CRIM1: variants seen among roughly 807,000 people sequenced by gnomAD.
The protein encoded by CRIM1 is cysteine-rich motor neuron 1 protein.
A neutral mutation model predicts 116.4 loss-of-function variants in CRIM1; 32 were observed. That is an observed-to-expected ratio of 0.27 (90% CI 0.21 to 0.37). The LOEUF (loss-of-function observed/expected upper bound fraction) is 0.37. CRIM1 is among the 10% of genes least tolerant of loss of function. The pLI, the probability that CRIM1 is intolerant of heterozygous loss-of-function variation, is 1.00. For synonymous variants in CRIM1, 590 were observed against 509.2 expected, an observed-to-expected ratio of 1.16 and a Z score of -2.13; for missense variants, 1,331 against 1,354.8, an observed-to-expected ratio of 0.98 and a Z score of 0.28.
chr2:36,499,421 T>TC (rs1680832937), intron 8 of CRIM1, 74 bp downstream of exon 8: 27 of 1,462,020 alleles, frequency 1.8e-5, no homozygotes, highest in Non-Finnish European at 2.5e-5. Flanking sequence ...TGTAATTGAA[T>TC]ATCTTTTTCA....
At chr2:36,488,651 C>T (rs1051408869) in intron 7 of CRIM1, among the ~76,000 whole-genome samples, 1 of 152,172 alleles carries the variant, frequency 6.6e-6, no homozygotes, top group South Asian at 2.1e-4. Flanking sequence ...TACAGAATAC[C>T]TGTTTACACC....
intron 7 of CRIM1, among the ~76,000 whole-genome samples, chr2:36,480,078 G>T (rs145962424): frequency 1.3e-5 from 2 of 152,264 alleles, no homozygotes; most frequent in African/African-American, 4.8e-5. Flanking sequence ...ATGCCCAAGC[G>T]TCCTGGCAAC....
rs761277638 is a variant in CRIM1 at position 36,356,458 on chromosome 2, G to C, written c.166G>C (p.Val56Leu). 8 of 1,612,440 alleles carry C rather than the reference G, an allele frequency of 5.0e-6. No individual in the cohort carries two copies. Among genetic ancestry groups the C allele is most frequent in the Non-Finnish European group, 6.8e-6 (8 of 1,179,794 alleles). ...GCCCAGGAACTGCCCGGGGAGCATC[G>C]TGCAGGGCGTCTGCGGCTGCTGCTA... ...EEPRNCPGSI[V>L]QGVCGCCYTC... Residue 56 changes from valine to leucine, a missense_variant, in exon 1 of 17, where the codon GTG becomes CTG. Physicochemically the swap from Val to Leu is conservative, Grantham distance 32. Transcript: ENST00000280527. The surrounding 1 kb of genome is among the most constrained non-coding windows in gnomAD (Gnocchi z 4.3).
chr2:36,497,102 G>A (rs549718547), intron 7 of CRIM1, among the ~76,000 whole-genome samples: 157 of 152,252 alleles, frequency 1.0e-3, no homozygotes, highest in African/African-American at 3.4e-3. Flanking sequence ...TCCATAGTAT[G>A]TTTTCTGAAG....
chr2:36,406,320 T>G (rs1323316503), intron 2 of CRIM1, among the ~76,000 whole-genome samples: 1 of 152,158 alleles, frequency 6.6e-6, no homozygotes, highest in Non-Finnish European at 1.5e-5. Flanking sequence ...TTATGAAGTT[T>G]AAGGGAAAGG....
At chr2:36,432,125 T>C (rs1674941674) in intron 2 of CRIM1, among the ~76,000 whole-genome samples, 1 of 152,236 alleles carries the variant, frequency 6.6e-6, no homozygotes, top group Non-Finnish European at 1.5e-5. Flanking sequence ...ATTTACCTCA[T>C]TAGTCATTTG....
At chr2:36,378,651 G>T (rs371854938) in intron 1 of CRIM1, 2 of 203,014 alleles carry the variant, frequency 9.9e-6, no homozygotes, top group Non-Finnish European at 2.1e-5. Flanking sequence ...TGTCCTAAAG[G>T]TAAAAGATTT....
intron 2 of CRIM1, among the ~76,000 whole-genome samples, chr2:36,409,332 C>G (rs1180406464): frequency 6.6e-6 from 1 of 152,106 alleles, no homozygotes; most frequent in Non-Finnish European, 1.5e-5. Flanking sequence ...TTAAATTTAC[C>G]CTTTTTGATT....
intron 2 of CRIM1, among the ~76,000 whole-genome samples, chr2:36,417,261 A>G (rs1048526297): frequency 1.3e-5 from 2 of 151,972 alleles, no homozygotes; most frequent in East Asian, 3.9e-4. Flanking sequence ...CTCGCCCACC[A>G]TACCTCTTCT....
chr2:36,393,094 A>G (rs1671740582), intron 1 of CRIM1, among the ~76,000 whole-genome samples: 2 of 152,200 alleles, frequency 1.3e-5, no homozygotes, highest in Non-Finnish European at 1.5e-5. Flanking sequence ...AGGCAGAGAA[A>G]AGCATCTGGC....
At chr2:36,488,407 C>T (rs1055296341) in intron 7 of CRIM1, among the ~76,000 whole-genome samples, 38 of 152,334 alleles carry the variant, frequency 2.5e-4, no homozygotes, top group African/African-American at 9.1e-4. Flanking sequence ...AAATACTCCC[C>T]TGCATGAGCT....
In CRIM1 at chr2:36,426,671, A is replaced by G. The variant is rs183307251; in HGVS notation, c.506-14587A>G. On this transcript the variant is annotated intron_variant, in intron 2 of 16. Coordinates refer to ENST00000280527, the MANE Select transcript of CRIM1 (RefSeq NM_016441.3). The stretch of plus-strand genomic sequence containing the variant: ...AAAATTACTTAGAGTAGAAATTCAC[A>G]TTGAGCCAGTCCATCAAGCTCCCAG... 3.3e-3 allele frequency among the ~76,000 whole-genome samples: 497 copies of G among 152,288 alleles called. 8 individuals carry two copies. Among genetic ancestry groups the G allele is most frequent in the South Asian group, 6.2e-4 (3 of 4,824 alleles).
chr2:36,441,215 A>C, intron 2 of CRIM1, 43 bp from the exon 3 acceptor site: 2 of 1,611,424 alleles, frequency 1.2e-6, no homozygotes, highest in Middle Eastern at 3.3e-4. Flanking sequence ...AAAGTGCCCC[A>C]CACTGCCCTG....
chr2:36,395,432 G>A (rs1671950951), intron 1 of CRIM1, among the ~76,000 whole-genome samples: 1 of 152,178 alleles, frequency 6.6e-6, no homozygotes, highest in African/African-American at 2.4e-5. Flanking sequence ...CTATGTAACA[G>A]TCAGTTCCCA....
At chr2:36,409,173 T>C (rs1307256727) in intron 2 of CRIM1, among the ~76,000 whole-genome samples, 1 of 152,214 alleles carries the variant, frequency 6.6e-6, no homozygotes. Flanking sequence ...TTAATAGAGC[T>C]AACCTTACAT....
intron 2 of CRIM1, among the ~76,000 whole-genome samples, chr2:36,427,774 C>T (rs1330761664): frequency 1.3e-5 from 2 of 152,184 alleles, no homozygotes. Flanking sequence ...GGCTCCAGCC[C>T]CAAGACCCTT....
chr2:36,402,371 T>G (rs1672475865), intron 2 of CRIM1, among the ~76,000 whole-genome samples: 1 of 145,024 alleles, frequency 6.9e-6, no homozygotes, highest in Admixed American at 7.2e-5. Flanking sequence ...GAACAGCAAC[T>G]GCAAAAGCTC....
At chr2:36,490,313 T>G (rs772267559) in intron 7 of CRIM1, among the ~76,000 whole-genome samples, 3 of 152,134 alleles carry the variant, frequency 2.0e-5, no homozygotes, top group Non-Finnish European at 4.4e-5. Context: ...ATTATTGGAA[T>G]ATTGTGAGGT....
intron 2 of CRIM1, among the ~76,000 whole-genome samples, chr2:36,439,272 C>G (rs1021054893): frequency 7.2e-5 from 11 of 152,184 alleles, no homozygotes; most frequent in Non-Finnish European, 1.6e-4. Flanking sequence ...ATTTGTCTTC[C>G]TCCATATTCT....
Sources: gnomAD v4.1 joint callset for allele counts (sites outside exome capture counted in the v4.1 genomes callset) on GRCh38, gnomAD v4.1.1 for gene constraint, Gnocchi (gnomAD v3.1) non-coding constraint, MANE v1.5 for transcripts, NCBI Gene and HGNC (gene_info 2026-07-23, HGNC 2026-07-21) for gene names.